PPP3CC: variants seen among roughly 807,000 people sequenced by gnomAD.
The protein encoded by PPP3CC is protein phosphatase 3 catalytic subunit gamma.
Under a neutral mutation model 60.3 loss-of-function variants are expected in PPP3CC, and 35 were observed. That is an observed-to-expected ratio of 0.58 (90% CI 0.44 to 0.77). The LOEUF is 0.77. PPP3CC is among the 30% of genes least tolerant of loss of function. PPP3CC has a pLI of 0.00. For missense variants in PPP3CC, 570 were observed against 628.9 expected (o/e 0.91, Z 1.00); for synonymous variants, 206 against 224.3 (o/e 0.92, Z 0.73).
At chr8:22,505,957 T>G (rs545562577) in intron 4 of PPP3CC, among the ~76,000 whole-genome samples, 3 of 152,028 alleles carry the variant, frequency 2.0e-5, no homozygotes, top group Non-Finnish European at 4.4e-5. Context: ...GTTTGTTATA[T>G]AGGCAAACTT....
chr8:22,441,562 A>C, intron 1 of PPP3CC, 104 bp downstream of exon 1: 1 of 1,297,996 alleles, frequency 7.7e-7, no homozygotes, highest in Non-Finnish European at 1.0e-6. Context: ...CGCCCACCCT[A>C]GGAGGGCTCG....
intron 5 of PPP3CC, among the ~76,000 whole-genome samples, chr8:22,512,416 G>C (rs1428212236): frequency 6.6e-6 from 1 of 151,918 alleles, no homozygotes. Flanking sequence ...GTTTTCTCTT[G>C]GTTTTTATGC....
intron 3 of PPP3CC, among the ~76,000 whole-genome samples, chr8:22,491,906 T>C (rs1240728570): frequency 1.3e-5 from 2 of 152,244 alleles, no homozygotes; most frequent in Non-Finnish European, 2.9e-5. Context: ...TGAGCTATTC[T>C]TTATAACTTT....
At chr8:22,523,445 A>G (rs1839461742) in intron 8 of PPP3CC, among the ~76,000 whole-genome samples, 1 of 152,176 alleles carries the variant, frequency 6.6e-6, no homozygotes, top group South Asian at 2.1e-4. Flanking sequence ...AAAACTTCAT[A>G]TTTCTGTAAC....
intron 1 of PPP3CC, among the ~76,000 whole-genome samples, chr8:22,463,985 A>G (rs965534890): frequency 1.4e-4 from 21 of 152,172 alleles, no homozygotes; most frequent in African/African-American, 5.1e-4. Flanking sequence ...ATGGGGTTTC[A>G]CCATGTTGGT....
intron 3 of PPP3CC, among the ~76,000 whole-genome samples, chr8:22,489,803 A>C (rs1452952986): frequency 6.9e-6 from 1 of 144,700 alleles, no homozygotes; most frequent in Non-Finnish European, 1.5e-5. Context: ...TATTATATAC[A>C]TACATAACAA....
In PPP3CC at chr8:22,474,972, C is replaced by T. The variant is rs1228506637; in HGVS notation, c.68C>T (p.Thr23Ile). ...RVIKAVPFPP[T>I]QRLTFKEVFE... ...TTTGTAGCTGTCCCCTTTCCTCCAA[C>T]CCAACGGCTTACTTTCAAGGAAGTA... is the stretch of plus-strand genomic sequence containing the variant. Residue 23 changes from threonine to isoleucine, a missense_variant, in exon 2 of 14, where the codon ACC becomes ATC. Coordinates refer to ENST00000240139, the MANE Select transcript of PPP3CC (RefSeq NM_005605.5). The T allele has an allele frequency of 6.3e-7, 1 of 1,596,496 alleles. No homozygotes were observed. The highest frequency in any genetic ancestry group is 8.5e-7 in the Non-Finnish European group (1 of 1,169,788).
chr8:22,453,738 C>T (rs988649522), intron 1 of PPP3CC, among the ~76,000 whole-genome samples: 6 of 152,202 alleles, frequency 3.9e-5, no homozygotes, highest in African/African-American at 1.4e-4. Context: ...TCCTAATCTA[C>T]AAACCTGTGC....
chr8:22,478,644 A>G (rs972156026), intron 3 of PPP3CC, among the ~76,000 whole-genome samples: 6 of 152,158 alleles, frequency 3.9e-5, no homozygotes, highest in African/African-American at 9.7e-5. Flanking sequence ...TCACTCATCA[A>G]TAAAGTTTCT....
chr8:22,475,648 G>C, intron 3 of PPP3CC, 24 bp downstream of exon 3: 1 of 1,596,148 alleles, frequency 6.3e-7, no homozygotes, highest in Non-Finnish European at 8.6e-7. Context: ...TGGATATGTT[G>C]GGACTATTAT....
chr8:22,538,464 T>G (rs1839892084), intron 12 of PPP3CC, among the ~76,000 whole-genome samples: 1 of 152,218 alleles, frequency 6.6e-6, no homozygotes, highest in Non-Finnish European at 1.5e-5. Context: ...TTTTTCACAT[T>G]CCATTAGGTA....
chr8:22,484,183 G>A (rs1273185965), intron 3 of PPP3CC, among the ~76,000 whole-genome samples: 1 of 152,032 alleles, frequency 6.6e-6, no homozygotes, highest in Non-Finnish European at 1.5e-5. Context: ...ATTTATCAAA[G>A]ATTTACTTAA....
chr8:22,504,858 G>A (rs1380802078), intron 4 of PPP3CC, among the ~76,000 whole-genome samples: 1 of 151,706 alleles, frequency 6.6e-6, no homozygotes, highest in African/African-American at 2.4e-5. Context: ...GGGACTACAG[G>A]CACGAGCTCT....
chr8:22,441,234 AGGCCGGCGCTGCGGT>A lies in PPP3CC; in HGVS notation c.-170_-156del, dbSNP rs1836655666. ...GCCCTCGTCCTGTCAGTGGCGTCGG[AGGCCGGCGCTGCGGT>A]GGCCGCGCCCTTCTGGTGCTCGGAC... is the stretch of plus-strand genomic sequence containing the variant. On this transcript the variant is annotated 5_prime_UTR_variant, in exon 1 of 14. Transcript: ENST00000240139. 1 of 505,926 alleles carries A rather than the reference AGGCCGGCGCTGCGGT, an allele frequency of 2.0e-6. No individual in the cohort carries two copies. Among genetic ancestry groups the A allele is most frequent in the South Asian group, 3.5e-5 (1 of 28,582 alleles). The allele number at this position is 505,926 out of a possible 1,614,324, so 31.3% of individuals were successfully genotyped here.
intron 3 of PPP3CC, among the ~76,000 whole-genome samples, chr8:22,478,176 G>A (rs1453228345): frequency 6.7e-6 from 1 of 149,632 alleles, no homozygotes; most frequent in African/African-American, 2.5e-5. Flanking sequence ...TTTTGAGATG[G>A]AGTCTTGCTC....
chr8:22,446,976 G>A (rs2132423410), intron 1 of PPP3CC, among the ~76,000 whole-genome samples: 1 of 151,904 alleles, frequency 6.6e-6, no homozygotes, highest in East Asian at 1.9e-4. Context: ...ACCATCCTTT[G>A]GTGCAATCAT....
At chr8:22,467,831 C>T (rs1483669608) in intron 1 of PPP3CC, among the ~76,000 whole-genome samples, 4 of 152,198 alleles carry the variant, frequency 2.6e-5, no homozygotes, top group Non-Finnish European at 4.4e-5. Flanking sequence ...GTCAGCTTGC[C>T]AGCAGATTGT....
At chr8:22,475,232 C>A in intron 2 of PPP3CC, 81 bp downstream of exon 2, 1 of 1,326,668 alleles carries the variant, frequency 7.5e-7, no homozygotes, top group African/African-American at 1.5e-5. Flanking sequence ...AAATAACCAG[C>A]TAAAAAGTGG....
intron 3 of PPP3CC, among the ~76,000 whole-genome samples, chr8:22,483,234 G>A (rs1284623979): frequency 6.6e-6 from 1 of 152,088 alleles, no homozygotes; most frequent in African/African-American, 2.4e-5. Context: ...TACTATCAAA[G>A]CTCAATCTTT....
Sources: allele counts gnomAD v4.1 joint callset (sites outside exome capture counted in the v4.1 genomes callset), GRCh38; gene constraint gnomAD v4.1.1; transcripts MANE v1.5; gene names NCBI Gene and HGNC (gene_info 2026-07-23, HGNC 2026-07-21).